Variants in SEMA3E observed in about 807,000 individuals in gnomAD.
The protein encoded by SEMA3E is semaphorin-3E.
Under a neutral mutation model 93.6 loss-of-function variants are expected in SEMA3E, and 49 were observed. The observed-to-expected ratio is 0.52, with a 90% CI of 0.42 to 0.66. The LOEUF (loss-of-function observed/expected upper bound fraction) is 0.66, where lower values mean the gene tolerates loss of function less well. Among genes scored for constraint, SEMA3E ranks in the 30% least tolerant of loss-of-function variants. The pLI, the probability that SEMA3E is intolerant of heterozygous loss-of-function variation, is 0.00. For synonymous variants in SEMA3E, 363 were observed against 330.7 expected (o/e 1.10, Z -1.06); for missense variants, 906 against 964.8 (o/e 0.94, Z 0.81).
Position 83,400,257 on chromosome 7 carries a change from A to G in SEMA3E, c.1144-7T>C, listed in dbSNP as rs1370491845. 1.9e-6 allele frequency: 3 copies of G among 1,612,810 alleles called. No individual in the cohort carries two copies. The highest frequency in any genetic ancestry group is 3.3e-5 in the Admixed American group (2 of 59,990). ...CATTTACTTTGCTGGCACACTGAAA[A>G]ACAAGTGGATCAGATAATTCTTTTT... is the stretch of plus-strand genomic sequence containing the variant. On this transcript the variant is annotated splice_polypyrimidine_tract_variant and splice_region_variant and intron_variant, in intron 10 of 16. Transcript: ENST00000643230.
intron 12 of SEMA3E, among the ~76,000 whole-genome samples, chr7:83,396,205 ATCT>A (rs1562762104): frequency 6.6e-6 from 1 of 151,756 alleles, no homozygotes; most frequent in Non-Finnish European, 1.5e-5. Context: ...TTTTATTATC[ATCT>A]TCTATTGTTT....
chr7:83,405,882 G>C, intron 8 of SEMA3E, 63 bp downstream of exon 8: 1 of 1,178,594 alleles, frequency 8.5e-7, no homozygotes, highest in East Asian at 2.3e-5. Context: ...TGTGTCCTAG[G>C]GATAAAGTTA....
intron 1 of SEMA3E, among the ~76,000 whole-genome samples, chr7:83,570,257 C>A (rs1792245910): frequency 1.3e-5 from 2 of 152,134 alleles, no homozygotes; most frequent in Admixed American, 1.3e-4. Flanking sequence ...AAAATACCTT[C>A]ATCAAGAAGT....
chr7:83,507,815 G>A (rs1282884457), intron 1 of SEMA3E, among the ~76,000 whole-genome samples: 1 of 151,974 alleles, frequency 6.6e-6, no homozygotes, highest in Non-Finnish European at 1.5e-5. Context: ...GCCAGGCATG[G>A]TGGTGTGCAC....
intron 2 of SEMA3E, 150 bp downstream of exon 2, chr7:83,489,964 A>C (rs1214008566): frequency 4.1e-6 from 3 of 734,482 alleles, no homozygotes; most frequent in African/African-American, 3.6e-5. Flanking sequence ...CATTTCCTCA[A>C]AATGATTTCA....
intron 1 of SEMA3E, among the ~76,000 whole-genome samples, chr7:83,502,379 G>A (rs1265513987): frequency 2.0e-5 from 3 of 152,094 alleles, no homozygotes; most frequent in African/African-American, 7.2e-5. Context: ...CTCAAAGTCT[G>A]TCATTACCTC....
chr7:83,487,241 T>A (rs551423509), intron 2 of SEMA3E, among the ~76,000 whole-genome samples: 1 of 152,066 alleles, frequency 6.6e-6, no homozygotes, highest in African/African-American at 2.4e-5. Context: ...ATGGTCCACA[T>A]AGGAAACAAC....
intron 6 of SEMA3E, 73 bp from the exon 7 acceptor site, chr7:83,407,312 A>C (rs1352498810): frequency 1.4e-5 from 17 of 1,222,890 alleles, no homozygotes; most frequent in Non-Finnish European, 1.7e-5. Flanking sequence ...ATTCCAATAA[A>C]TTGTATATCA....
At chr7:83,405,779 T>G (rs752571401) in intron 8 of SEMA3E, among the ~76,000 whole-genome samples, 166 bp downstream of exon 8, 11 of 152,022 alleles carry the variant, frequency 7.2e-5, no homozygotes, top group Non-Finnish European at 1.5e-4. Context: ...TTGCAATCCC[T>G]TTTCCCCCAG....
chr7:83,429,089 TAA>T (rs1671299891), intron 4 of SEMA3E, among the ~76,000 whole-genome samples: 1 of 152,168 alleles, frequency 6.6e-6, no homozygotes, highest in South Asian at 2.1e-4. Context: ...AAATATATAT[TAA>T]GATTTTTTTC....
intron 1 of SEMA3E, among the ~76,000 whole-genome samples, chr7:83,582,316 A>C (rs1584345562): frequency 6.6e-6 from 1 of 151,636 alleles, no homozygotes; most frequent in East Asian, 1.9e-4. Context: ...CAGAAAATTA[A>C]AATTTAATTT....
chr7:83,643,676 C>G lies in SEMA3E; in HGVS notation c.115+4752G>C, dbSNP rs138092466. On this transcript the variant is annotated intron_variant, in intron 1 of 16. Coordinates refer to ENST00000643230, the MANE Select transcript of SEMA3E (RefSeq NM_012431.3). ...GCACTCTAAAATTCATAGGAAGGCTCTCTCCACAGAAAGCATATTTTATAT... is the reference window on the plus strand; with the variant it reads ...GCACTCTAAAATTCATAGGAAGGCTGTCTCCACAGAAAGCATATTTTATAT... Among the ~76,000 whole-genome samples the G allele has an allele frequency of 2.9e-3, 443 of 152,058 alleles. 1 individual carries two copies. Among genetic ancestry groups the G allele is most frequent in the Non-Finnish European group, 4.8e-3 (328 of 67,874 alleles).
In SEMA3E at chr7:83,388,091, A is replaced by G. The variant is rs920184081; in HGVS notation, c.1668-1041T>C. Among the ~76,000 whole-genome samples, 140 of 148,466 alleles carry G rather than the reference A, an allele frequency of 9.4e-4. 1 individual carries two copies. Among genetic ancestry groups the G allele is most frequent in the Non-Finnish European group, 4.5e-4 (30 of 67,250 alleles). On this transcript the variant is annotated intron_variant, in intron 14 of 16. Transcript: ENST00000643230. ...TTTGGGAGGCCAAGACGGGTGGATC[A>G]TGAGCTCAGGAGTTCGAGACCAGCC...
At chr7:83,385,551 C>T in intron 15 of SEMA3E, 118 bp from the exon 16 acceptor site, 1 of 1,091,440 alleles carries the variant, frequency 9.2e-7, no homozygotes, top group Non-Finnish European at 1.4e-6. Context: ...TTGCTTATTT[C>T]TGCAAAAGGT....
intron 4 of SEMA3E, among the ~76,000 whole-genome samples, chr7:83,453,244 G>C (rs1789401124): frequency 1.3e-5 from 2 of 151,946 alleles, no homozygotes; most frequent in Admixed American, 1.3e-4. Flanking sequence ...TGGCGAGGCT[G>C]GTCTTGAACT....
At chr7:83,423,189 C>T (rs1584238675) in intron 4 of SEMA3E, among the ~76,000 whole-genome samples, 1 of 152,256 alleles carries the variant, frequency 6.6e-6, no homozygotes, top group East Asian at 1.9e-4. Flanking sequence ...AGACACAAAT[C>T]TGTGCAATAC....
At chr7:83,406,124 T>C (rs1788324878) in intron 7 of SEMA3E, 65 bp from the exon 8 acceptor site, 2 of 1,138,650 alleles carry the variant, frequency 1.8e-6, no homozygotes, top group African/African-American at 1.5e-5. Context: ...AGATTTCATA[T>C]TATTAAACAT....
intron 13 of SEMA3E, among the ~76,000 whole-genome samples, chr7:83,393,039 C>A (rs367573599): frequency 9.7e-4 from 125 of 128,732 alleles, no homozygotes; most frequent in Non-Finnish European, 1.2e-3. Context: ...AACTCCATCT[C>A]AAAAAAAAAA....
At chr7:83,503,098 C>T (rs754160741) in intron 1 of SEMA3E, among the ~76,000 whole-genome samples, 7 of 149,640 alleles carry the variant, frequency 4.7e-5, no homozygotes, top group African/African-American at 4.9e-5. Flanking sequence ...TTCTTAATTA[C>T]GTTCTGTCAA....
Sources: gnomAD v4.1 joint callset for allele counts (sites outside exome capture counted in the v4.1 genomes callset) on GRCh38, gnomAD v4.1.1 for gene constraint, MANE v1.5 for transcripts, NCBI Gene and HGNC (gene_info 2026-07-23, HGNC 2026-07-21) for gene names.